The following KCNU1 variants were observed in gnomAD, a reference collection of about 807,000 sequenced individuals.
The protein encoded by KCNU1 is potassium channel subfamily U member 1.
A neutral mutation model predicts 126.8 loss-of-function variants in KCNU1; 93 were observed. The observed-to-expected ratio is 0.73, with a 90% CI of 0.62 to 0.87. The LOEUF is 0.87. Among genes scored for constraint, KCNU1 ranks in the 40% least tolerant of loss-of-function variants. The probability of loss-of-function intolerance (pLI) is 0.00; values close to 1 mark genes in which losing one functional copy is unlikely to be tolerated. For synonymous variants in KCNU1, 523 were observed against 494.2 expected, an observed-to-expected ratio of 1.06 and a Z score of -0.77; for missense variants, 1,330 against 1,367.1, an observed-to-expected ratio of 0.97 and a Z score of 0.43.
chr8:36,841,110 C>T, intron 16 of KCNU1, 107 bp downstream of exon 16: 1 of 746,392 alleles, frequency 1.3e-6, no homozygotes. Context: ...TATAACTAAG[C>T]TTTTTCCCTT....
In KCNU1 at chr8:36,919,566, A is replaced by G. The variant is rs751830385; in HGVS notation, c.2596+669A>G. 3.9e-5 allele frequency among the ~76,000 whole-genome samples: 6 copies of G among 152,188 alleles called. No individual in the cohort carries two copies. In the East Asian group the frequency reaches 1.2e-3, roughly 29 times the overall value. On this transcript the variant is annotated intron_variant, in intron 23 of 26. Coordinates refer to ENST00000399881, the MANE Select transcript of KCNU1 (RefSeq NM_001031836.3). ...GAGGGAAGGCAAGGAAGGGTGCCCA[A>G]GTGCCTTTGGTGGGGTGCATTGCTG... is the stretch of plus-strand genomic sequence containing the variant.
intron 2 of KCNU1, among the ~76,000 whole-genome samples, chr8:36,788,878 G>A (rs570984939): frequency 6.6e-6 from 1 of 152,250 alleles, no homozygotes; most frequent in Admixed American, 6.5e-5. Context: ...TGAGGGAGAA[G>A]GGAACTTACA....
chr8:36,808,714 C>G lies in KCNU1; in HGVS notation c.657-4C>G. 1.9e-6 allele frequency: 3 copies of G among 1,595,184 alleles called. No homozygotes were observed. The highest frequency in any genetic ancestry group is 1.7e-6 in the Non-Finnish European group (2 of 1,165,084). On this transcript the variant is annotated splice_region_variant and splice_polypyrimidine_tract_variant and intron_variant, in intron 6 of 26. Coordinates refer to ENST00000399881, the MANE Select transcript of KCNU1 (RefSeq NM_001031836.3). ...CCAACAGCTCTTTGTCTCTCTTCCT[C>G]TAGTAACTCAGTGAAGTTTTCCAAA...
At chr8:36,876,435 A>C (rs574410490) in intron 19 of KCNU1, among the ~76,000 whole-genome samples, 6 of 152,334 alleles carry the variant, frequency 3.9e-5, no homozygotes, top group Non-Finnish European at 8.8e-5. Context: ...ATAAGATCAC[A>C]GAAGAAACAT....
chr8:36,834,735 G>T (rs1173584044), intron 11 of KCNU1, 51 bp from the exon 12 acceptor site: 1 of 1,189,926 alleles, frequency 8.4e-7, no homozygotes, highest in Non-Finnish European at 1.2e-6. Flanking sequence ...GAAGACCAGA[G>T]CATTTCCCAT....
At chr8:36,792,709 TC>T (rs1177030939) in intron 2 of KCNU1, among the ~76,000 whole-genome samples, 5 of 152,192 alleles carry the variant, frequency 3.3e-5, no homozygotes, top group Non-Finnish European at 7.3e-5. Context: ...AAAAATGCTG[TC>T]TATAGATTTC....
chr8:36,889,312 AAATTTGGT>A, intron 19 of KCNU1: 1 of 520,222 alleles, frequency 1.9e-6, no homozygotes, highest in Non-Finnish European at 3.9e-6. Flanking sequence ...AGATGTTAAG[AAATTTGGT>A]AATTACTTTG....
At chr8:36,910,383 C>G (rs895475147) in intron 21 of KCNU1, among the ~76,000 whole-genome samples, 1 of 151,730 alleles carries the variant, frequency 6.6e-6, no homozygotes, top group Non-Finnish European at 1.5e-5. Flanking sequence ...AAAATAAGAG[C>G]AAATCTGATC....
In KCNU1 at chr8:36,787,302, G is replaced by T. The variant is rs1446168136; in HGVS notation, c.196-4G>T. ...CATTGTCAATTTCTTTCTCTTGATT[G>T]TAGGAACTGTTCACATCAGGTACCA... On this transcript the variant is annotated splice_polypyrimidine_tract_variant and splice_region_variant and intron_variant, in intron 1 of 26. Coordinates refer to ENST00000399881, the MANE Select transcript of KCNU1 (RefSeq NM_001031836.3). 1 of 1,605,144 alleles carries T rather than the reference G, an allele frequency of 6.2e-7. No individual in the cohort carries two copies.
chr8:36,842,133 G>T (rs945798758), intron 16 of KCNU1, among the ~76,000 whole-genome samples: 1 of 152,170 alleles, frequency 6.6e-6, no homozygotes. Flanking sequence ...CCCTGTGGCC[G>T]TGGATAAGGA....
intron 19 of KCNU1, among the ~76,000 whole-genome samples, chr8:36,902,303 G>C (rs192056969): frequency 6.6e-6 from 1 of 152,152 alleles, no homozygotes; most frequent in Non-Finnish European, 1.5e-5. Flanking sequence ...AAAATGTACA[G>C]TGATTGATTC....
At chr8:36,910,469 C>T (rs1271174474) in intron 21 of KCNU1, among the ~76,000 whole-genome samples, 2 of 152,136 alleles carry the variant, frequency 1.3e-5, no homozygotes, top group Non-Finnish European at 2.9e-5. Context: ...CTCTGTTTTT[C>T]CACCAAAGAA....
intron 10 of KCNU1, among the ~76,000 whole-genome samples, chr8:36,827,377 G>A (rs559678131): frequency 6.6e-6 from 1 of 152,208 alleles, no homozygotes; most frequent in Non-Finnish European, 1.5e-5. Context: ...TGTATGTCAG[G>A]GGAACTGCAC....
intron 19 of KCNU1, among the ~76,000 whole-genome samples, chr8:36,866,008 G>A (rs578001281): frequency 6.6e-6 from 1 of 152,022 alleles, no homozygotes; most frequent in Non-Finnish European, 1.5e-5. Context: ...TGGAATGGTG[G>A]TTTTCAGAAG....
rs867373762 is a variant in KCNU1 at position 36,811,602 on chromosome 8, T to A, written c.733-2605T>A. On this transcript the variant is annotated intron_variant, in intron 7 of 26. Coordinates refer to ENST00000399881, the MANE Select transcript of KCNU1 (RefSeq NM_001031836.3). Reference sequence around the variant, plus strand: ...AATTCAGCCACACAGGAGATTAATGTAAAGAGAATTCAAGAATGGGGAAGC... The same window carrying A: ...AATTCAGCCACACAGGAGATTAATGAAAAGAGAATTCAAGAATGGGGAAGC... Among the ~76,000 whole-genome samples the A allele has an allele frequency of 2.0e-5, 3 of 152,256 alleles. No homozygotes were observed. The South Asian group carries it at 6.2e-4, about 32-fold the overall frequency.
chr8:36,801,021 A>G (rs116970769), intron 2 of KCNU1, among the ~76,000 whole-genome samples: 2,532 of 152,292 alleles, frequency 0.017, 41 homozygotes, highest in Non-Finnish European at 0.026. Context: ...GCAGGAGCTT[A>G]AGGGAAATTT....
chr8:36,787,383 A>G lies in KCNU1; in HGVS notation c.273A>G (p.Ile91Met), dbSNP rs1340285713. The change falls in exon 2 of 27, where the codon ATA (isoleucine) becomes ATG (methionine). Residue 91 changes from isoleucine to methionine, a missense_variant. Ile to Met is a conservative substitution (Grantham distance 10). Around this residue, in one of 3 missense-constraint regions of KCNU1, gnomAD observed 247 missense variants for 255.4 expected, o/e 0.97. Coordinates refer to ENST00000399881, the MANE Select transcript of KCNU1 (RefSeq NM_001031836.3). ...TCCAGGGACAATTTCGTGATCATAT[A>G]GAAATGTTGCTTTCAGCCCAGACCT... is the stretch of plus-strand genomic sequence containing the variant. ...LHFQGQFRDHIEMLLSAQTFV... is the reference protein window; with the variant it reads ...LHFQGQFRDHMEMLLSAQTFV... 2.5e-6 allele frequency: 4 copies of G among 1,612,560 alleles called. No homozygotes were observed. Among genetic ancestry groups the G allele is most frequent in the Non-Finnish European group, 2.5e-6 (3 of 1,179,096 alleles).
chr8:36,878,649 G>A (rs1197291201), intron 19 of KCNU1, among the ~76,000 whole-genome samples: 4 of 151,962 alleles, frequency 2.6e-5, no homozygotes, highest in African/African-American at 4.8e-5. Flanking sequence ...GTAAAGGAGT[G>A]CAGATATGGA....
At chr8:36,851,884 A>G (rs1805362509) in intron 18 of KCNU1, among the ~76,000 whole-genome samples, 1 of 152,050 alleles carries the variant, frequency 6.6e-6, no homozygotes. Flanking sequence ...TTCTTGCCTA[A>G]TTATTGTGGC....
Sources: allele counts gnomAD v4.1 joint callset (sites outside exome capture counted in the v4.1 genomes callset), GRCh38; gene constraint gnomAD v4.1.1; regional missense constraint gnomAD v4.1.1; transcripts MANE v1.5; gene names NCBI Gene and HGNC (gene_info 2026-07-23, HGNC 2026-07-21).